Variants in POLN observed in about 807,000 individuals in gnomAD.
POLN encodes DNA polymerase nu.
Under a neutral mutation model 113.5 loss-of-function variants are expected in POLN, and 108 were observed. That is an observed-to-expected ratio of 0.95 (90% confidence interval 0.81 to 1.12). The LOEUF is 1.12. Among genes scored for constraint, POLN ranks in the 50% most tolerant of loss-of-function variants. POLN has a pLI of 0.00. For synonymous variants in POLN, 386 were observed against 391.5 expected, an observed-to-expected ratio of 0.99 and a Z score of 0.17; for missense variants, 1,097 against 1,077.1, an observed-to-expected ratio of 1.02 and a Z score of -0.26.
rs986173009 is a variant in POLN, at chr4:2,113,046, C to T, written c.1982+15067G>A. On this transcript the variant is annotated intron_variant, in intron 19 of 25. Transcript: ENST00000511885. Reference sequence around the variant, plus strand: ...TGTAGCACATATACACCATGGAATACTATGCAGCCGTAAAAAATGATGAGT... The same window carrying T: ...TGTAGCACATATACACCATGGAATATTATGCAGCCGTAAAAAATGATGAGT... 4.6e-5 allele frequency among the ~76,000 whole-genome samples: 7 copies of T among 152,088 alleles called. No individual in the cohort carries two copies. The East Asian group carries it at 5.8e-4, about 13-fold the overall frequency.
chr4:2,135,124 T>C (rs1031147547), intron 16 of POLN, among the ~76,000 whole-genome samples: 5 of 152,180 alleles, frequency 3.3e-5, no homozygotes. Context: ...ACAAGTCACA[T>C]AACGCAGGGT....
At chr4:2,197,486 G>C (rs1733609176) in intron 6 of POLN, among the ~76,000 whole-genome samples, 1 of 152,156 alleles carries the variant, frequency 6.6e-6, no homozygotes, top group African/African-American at 2.4e-5. Flanking sequence ...CCAGGCCACA[G>C]GAGGCAGGGT....
intron 16 of POLN, among the ~76,000 whole-genome samples, chr4:2,156,123 C>T (rs908145625): frequency 2.6e-5 from 4 of 152,100 alleles, no homozygotes; most frequent in African/African-American, 2.4e-5. Context: ...TGAGCCACCG[C>T]GCCTGGCCTA....
At position 2,096,716 on chromosome 4, in the gene POLN, GAGAGAGAGAGAGAGAC is replaced by G. The variant is rs1730802906; in HGVS notation, c.1983-799_1983-784del. On this transcript the variant is annotated intron_variant, in intron 19 of 25. Transcript: ENST00000511885. ...AGAGAGAGAGAGAGAGAGAGAGAGA[GAGAGAGAGAGAGAGAC>G]ACACAGAGAGAAACAGAAAAAGTAA... 3.3e-5 allele frequency among the ~76,000 whole-genome samples: 5 copies of G among 151,604 alleles called. No individual in the cohort carries two copies. The South Asian group carries it at 1.0e-3, about 32-fold the overall frequency.
chr4:2,126,047 G>A lies in POLN; in HGVS notation c.1982+2066C>T, dbSNP rs1349129362. Among the ~76,000 whole-genome samples, 1 of 152,148 alleles carries A rather than the reference G, an allele frequency of 6.6e-6. No individual in the cohort carries two copies. The highest frequency in any genetic ancestry group is 1.5e-5 in the Non-Finnish European group (1 of 68,022). On this transcript the variant is annotated intron_variant, in intron 19 of 25. Coordinates refer to ENST00000511885, the MANE Select transcript of POLN (RefSeq NM_181808.4). This position sits in a 1 kb window ranked among gnomAD's most constrained non-coding sequence, Gnocchi z 4.6. ...AGAGGACAGGAGAGAACGACAAGAG[G>A]ATGCCCTGCATACTGGGTGGGAGGC...
intron 19 of POLN, among the ~76,000 whole-genome samples, chr4:2,124,814 G>A (rs1731539408): frequency 6.6e-6 from 1 of 152,086 alleles, no homozygotes; most frequent in South Asian, 2.1e-4. Flanking sequence ...CCTGGACCTC[G>A]GAGCCAGGCA....
chr4:2,120,994 C>T (rs1009941004), intron 19 of POLN, among the ~76,000 whole-genome samples: 6 of 152,172 alleles, frequency 3.9e-5, no homozygotes, highest in African/African-American at 1.4e-4. Context: ...ACAATCATGT[C>T]ATCTGCTAAG....
At chr4:2,210,940 A>AATAAATAC (rs901555729) in intron 4 of POLN, among the ~76,000 whole-genome samples, 1 of 147,330 alleles carries the variant, frequency 6.8e-6, no homozygotes, top group African/African-American at 2.5e-5. Flanking sequence ...TAAATAAATA[A>AATAAATAC]ATAAATAAAT....
rs761413062 is a variant in POLN, at chr4:2,080,957, C to A, written c.2387+1G>T. The stretch of plus-strand genomic sequence containing the variant: ...GCCCTGGGAGACCACCACCCACTGA[C>A]CTGGCCGTCAAGGTGTGGGAAGCAG... On this transcript the variant is annotated splice_donor_variant, in intron 23 of 25. Coordinates refer to ENST00000511885, the MANE Select transcript of POLN (RefSeq NM_181808.4). LOFTEE classifies it high-confidence loss of function. 6.2e-7 allele frequency: 1 copy of A among 1,613,892 alleles called. No individual in the cohort carries two copies. The highest frequency in any genetic ancestry group is 1.1e-5 in the South Asian group (1 of 91,084).
chr4:2,184,157 GT>G lies in POLN; in HGVS notation c.1022-4693del, dbSNP rs59107300. The stretch of plus-strand genomic sequence containing the variant: ...ACGTGAGCCACCGTGCCCAGCCAAA[GT>G]TTTTTTTTTTTTTTTAAGGGTACAT... On this transcript the variant is annotated intron_variant, in intron 7 of 25. Coordinates refer to ENST00000511885, the MANE Select transcript of POLN (RefSeq NM_181808.4). Among the ~76,000 whole-genome samples the G allele has an allele frequency of 7.0e-3, 953 of 135,684 alleles. 3 individuals carry two copies. The highest frequency in any genetic ancestry group is 0.015 in the East Asian group (70 of 4,690). 89.0% of individuals were successfully genotyped at this position (135,684 alleles called of 152,430 possible).
At chr4:2,119,426 C>CAT (rs1553895486) in intron 19 of POLN, among the ~76,000 whole-genome samples, 8 of 151,220 alleles carry the variant, frequency 5.3e-5, no homozygotes, top group South Asian at 4.2e-4. Flanking sequence ...TGTGTGCACA[C>CAT]GTGTGTGTGT....
At chr4:2,221,841 C>T (rs1346041756) in intron 3 of POLN, among the ~76,000 whole-genome samples, 1 of 152,150 alleles carries the variant, frequency 6.6e-6, no homozygotes, top group Non-Finnish European at 1.5e-5. Context: ...TCCCAAAATA[C>T]TGGGATTACA....
chr4:2,166,546 G>A (rs1175688623), intron 13 of POLN, among the ~76,000 whole-genome samples: 1 of 152,212 alleles, frequency 6.6e-6, no homozygotes, highest in Non-Finnish European at 1.5e-5. Flanking sequence ...TGTTTCCAGA[G>A]GAGGCTGGCA....
intron 25 of POLN, 89 bp downstream of exon 25, chr4:2,072,879 C>A: frequency 7.1e-7 from 1 of 1,402,712 alleles, no homozygotes; most frequent in South Asian, 1.2e-5. Flanking sequence ...TGGGGCTGCA[C>A]CCTTTGGCCT....
At chr4:2,201,259 TC>T (rs1165718875) in intron 5 of POLN, among the ~76,000 whole-genome samples, 1 of 95,464 alleles carries the variant, frequency 1.0e-5, no homozygotes, top group East Asian at 3.7e-4. Flanking sequence ...AGAGTGAGAC[TC>T]TGTCCCCCTA....
intron 3 of POLN, among the ~76,000 whole-genome samples, chr4:2,217,062 C>T (rs1734129482): frequency 6.6e-6 from 1 of 152,216 alleles, no homozygotes. Context: ...GTGGGAAGTA[C>T]TTCGTGACTG....
chr4:2,236,889 TATA>T (rs919205825), intron 2 of POLN, among the ~76,000 whole-genome samples: 44 of 149,028 alleles, frequency 3.0e-4, no homozygotes, highest in African/African-American at 9.1e-4. Context: ...TAATTATAAT[TATA>T]ATAATAATAT....
At chr4:2,165,850 C>A (rs1732716082) in intron 13 of POLN, among the ~76,000 whole-genome samples, 1 of 152,036 alleles carries the variant, frequency 6.6e-6, no homozygotes. Context: ...AATCACTGCT[C>A]AGTGCAGCCT....
At chr4:2,165,684 G>A (rs1732711948) in intron 13 of POLN, among the ~76,000 whole-genome samples, 1 of 152,168 alleles carries the variant, frequency 6.6e-6, no homozygotes, top group African/African-American at 2.4e-5. Flanking sequence ...GGGGGAGCCT[G>A]TACATGTGTG....
Sources: gnomAD v4.1 joint callset for allele counts (sites outside exome capture counted in the v4.1 genomes callset) on GRCh38, gnomAD v4.1.1 for gene constraint, Gnocchi (gnomAD v3.1) non-coding constraint, MANE v1.5 for transcripts, NCBI Gene and HGNC (gene_info 2026-07-23, HGNC 2026-07-21) for gene names.